EPHA6: variants seen among roughly 807,000 people sequenced by gnomAD.
The protein encoded by EPHA6 is EPH receptor A6, also known as ephrin type-A receptor 6.
A neutral mutation model predicts 112.0 loss-of-function variants in EPHA6; 50 were observed. The observed-to-expected ratio is 0.45, with a 90% CI of 0.36 to 0.56. EPHA6 has a LOEUF of 0.56. EPHA6 is among the 20% of genes least tolerant of loss of function. The pLI is 0.00. For missense variants in EPHA6, 1,280 were observed against 1,417.4 expected (o/e 0.90, Z 1.56); for synonymous variants, 529 against 490.7 (o/e 1.08, Z -1.03).
intron 7 of EPHA6, among the ~76,000 whole-genome samples, chr3:97,453,407 A>T (rs1456086146): frequency 6.6e-6 from 1 of 151,792 alleles, no homozygotes; most frequent in African/African-American, 2.4e-5. Flanking sequence ...GATTAATTAC[A>T]GCTTACATTT....
intron 5 of EPHA6, among the ~76,000 whole-genome samples, chr3:97,327,826 G>GGT (rs201035871): frequency 1.1e-4 from 14 of 124,352 alleles, no homozygotes; most frequent in East Asian, 2.2e-4. Context: ...GATATTCCTT[G>GGT]GTGTGTGTGT....
chr3:97,157,585 G>A (rs967012597), intron 3 of EPHA6, among the ~76,000 whole-genome samples: 1 of 151,984 alleles, frequency 6.6e-6, no homozygotes, highest in African/African-American at 2.4e-5. Flanking sequence ...AATTACGGAG[G>A]CTGAGAAATG....
At chr3:97,377,190 C>T (rs566359598) in intron 5 of EPHA6, among the ~76,000 whole-genome samples, 2 of 152,152 alleles carry the variant, frequency 1.3e-5, no homozygotes, top group East Asian at 3.9e-4. Context: ...GGGAGGGACT[C>T]AATAGGAGAT....
At chr3:97,357,891 G>A (rs957493673) in intron 5 of EPHA6, among the ~76,000 whole-genome samples, 1 of 152,152 alleles carries the variant, frequency 6.6e-6, no homozygotes, top group African/African-American at 2.4e-5. Context: ...ACATCATAAA[G>A]GTCTTCATCT....
Position 97,146,525 on chromosome 3 carries a change from T to C in EPHA6, c.1115-79739T>C, listed in dbSNP as rs77836630. Among the ~76,000 whole-genome samples, 466 of 151,936 alleles carry C rather than the reference T, an allele frequency of 3.1e-3. 3 individuals carry two copies. Among genetic ancestry groups the C allele is most frequent in the African/African-American group, 0.01 (424 of 41,518 alleles). On this transcript the variant is annotated intron_variant, in intron 3 of 17. Coordinates refer to ENST00000389672, the MANE Select transcript of EPHA6 (RefSeq NM_001080448.3). ...ACTCAGGCATCTCAACCCAAACTCT[T>C]CAAAACTGAAAGATTTTCACAGCTT...
At chr3:96,992,416 C>T (rs2043250577) in intron 3 of EPHA6, among the ~76,000 whole-genome samples, 1 of 152,132 alleles carries the variant, frequency 6.6e-6, no homozygotes, top group South Asian at 2.1e-4. Context: ...GGATGAGGTT[C>T]ACTGGGTCAT....
chr3:97,013,439 G>A lies in EPHA6; in HGVS notation c.1114+25446G>A, dbSNP rs1283647704. 2.6e-5 allele frequency among the ~76,000 whole-genome samples: 4 copies of A among 151,928 alleles called. No individual in the cohort carries two copies. In the South Asian group the frequency reaches 6.2e-4, roughly 24 times the overall value. ...ACATCTATATTATATTCTGCTTTTA[G>A]CAATCCTAGATATATGTTTATTAAG... On this transcript the variant is annotated intron_variant, in intron 3 of 17. Coordinates refer to ENST00000389672, the MANE Select transcript of EPHA6 (RefSeq NM_001080448.3).
At chr3:96,950,689 T>C (rs2041491187) in intron 2 of EPHA6, among the ~76,000 whole-genome samples, 1 of 152,154 alleles carries the variant, frequency 6.6e-6, no homozygotes, top group African/African-American at 2.4e-5. Context: ...TCTATAAAAT[T>C]ATTTTTGAGT....
chr3:97,145,101 G>GC (rs1331014667), intron 3 of EPHA6, among the ~76,000 whole-genome samples: 2 of 151,200 alleles, frequency 1.3e-5, no homozygotes, highest in Non-Finnish European at 1.5e-5. Flanking sequence ...ATATAGAACT[G>GC]TATATTTAAT....
intron 2 of EPHA6, among the ~76,000 whole-genome samples, chr3:96,873,638 A>G (rs1011894634): frequency 2.0e-5 from 3 of 152,148 alleles, no homozygotes; most frequent in Admixed American, 6.6e-5. Flanking sequence ...TCTAAACAAT[A>G]AATCAAGCTT....
At chr3:97,673,152 A>C (rs577826416) in intron 14 of EPHA6, among the ~76,000 whole-genome samples, 1 of 152,318 alleles carries the variant, frequency 6.6e-6, no homozygotes, top group South Asian at 2.1e-4. Flanking sequence ...TTACTTTCCC[A>C]CCAGCAGTTT....
At chr3:96,825,833 A>G (rs1242194120) in intron 1 of EPHA6, among the ~76,000 whole-genome samples, 3 of 151,798 alleles carry the variant, frequency 2.0e-5, no homozygotes, top group African/African-American at 7.2e-5. Flanking sequence ...TTTAAATTAA[A>G]CATTTTATGG....
chr3:96,985,470 A>C (rs936599345), intron 2 of EPHA6, among the ~76,000 whole-genome samples: 1 of 152,126 alleles, frequency 6.6e-6, no homozygotes, highest in African/African-American at 2.4e-5. Context: ...TTGTGGTTCC[A>C]ATGAGCTGTG....
chr3:97,000,695 A>C (rs201302165), intron 3 of EPHA6, among the ~76,000 whole-genome samples: 1 of 151,810 alleles, frequency 6.6e-6, no homozygotes. Context: ...TATGTAATCA[A>C]CAAGGTAAAG....
chr3:97,036,992 T>C (rs2045123705), intron 3 of EPHA6, among the ~76,000 whole-genome samples: 1 of 151,748 alleles, frequency 6.6e-6, no homozygotes, highest in South Asian at 2.1e-4. Context: ...ATATGAGAGG[T>C]TCAAAAGGTC....
Position 97,750,016 on chromosome 3 carries a change from AAT to A in EPHA6, c.*1322_*1323del, listed in dbSNP as rs1237132172. Among the ~76,000 whole-genome samples, 1 of 152,148 alleles carries A rather than the reference AAT, an allele frequency of 6.6e-6. No homozygotes were observed. The highest frequency in any genetic ancestry group is 1.5e-5 in the Non-Finnish European group (1 of 68,024). On this transcript the variant is annotated 3_prime_UTR_variant, in exon 18 of 18. Coordinates refer to ENST00000389672, the MANE Select transcript of EPHA6 (RefSeq NM_001080448.3). ...CTGAGAGGCTTAAAAAACAAAGGTA[AAT>A]ATATATTTTAAGTGATTTAAGCTGA...
chr3:97,641,464 C>A lies in EPHA6; in HGVS notation c.2784+3382C>A, dbSNP rs181759616. Among the ~76,000 whole-genome samples, 284 of 152,252 alleles carry A rather than the reference C, an allele frequency of 1.9e-3. 3 individuals carry two copies. The highest frequency in any genetic ancestry group is 6.4e-3 in the African/African-American group (268 of 41,558). On this transcript the variant is annotated intron_variant, in intron 14 of 17. Transcript: ENST00000389672. ...CAAGATGGCTGAATAGGAATAGCTC[C>A]GGTCTACAGCTCCCAGCGTGAGCGA...
At chr3:97,447,807 A>T in intron 6 of EPHA6, 1 of 1,015,156 alleles carries the variant, frequency 9.9e-7, no homozygotes, top group Non-Finnish European at 1.2e-6. Context: ...CCAAGCCTCA[A>T]GCCCTGCCTC....
intron 3 of EPHA6, among the ~76,000 whole-genome samples, chr3:97,179,780 G>A: frequency 6.9e-6 from 1 of 144,854 alleles, no homozygotes; most frequent in East Asian, 2.0e-4. Flanking sequence ...CTTAAAGCTG[G>A]AGGTGGGGTG....
Sources: gnomAD v4.1 joint callset for allele counts (sites outside exome capture counted in the v4.1 genomes callset) on GRCh38, gnomAD v4.1.1 for gene constraint, MANE v1.5 for transcripts, NCBI Gene and HGNC (gene_info 2026-07-23, HGNC 2026-07-21) for gene names.